ZNF10: variants seen among roughly 807,000 people sequenced by gnomAD.
ZNF10 encodes the protein zinc finger protein 10 (KOX 1).
A neutral mutation model predicts 12.2 loss-of-function variants in ZNF10; 8 were observed. That is an observed-to-expected ratio of 0.66 (90% CI 0.39 to 1.18). ZNF10 has a LOEUF of 1.18. ZNF10 is among the 50% of genes most tolerant of loss of function. The pLI is 0.01. For missense variants in ZNF10, 603 were observed against 678.9 expected (o/e 0.89, Z 1.24); for synonymous variants, 229 against 228.2 (o/e 1.00, Z -0.03).
At chr12:133,155,423 A>G in intron 4 of ZNF10, 80 bp from the exon 5 acceptor site, 3 of 1,419,992 alleles carry the variant, frequency 2.1e-6, no homozygotes, top group East Asian at 2.3e-5. Flanking sequence ...TACATCTTGC[A>G]TACTTTGTCT....
At chr12:133,142,302 C>T (rs547059134) in intron 1 of ZNF10, among the ~76,000 whole-genome samples, 2 of 150,784 alleles carry the variant, frequency 1.3e-5, no homozygotes, top group South Asian at 4.2e-4. Flanking sequence ...GTAGTCCCAG[C>T]TACAGGCTGA....
chr12:133,140,024 T>G (rs1955935122), intron 1 of ZNF10, among the ~76,000 whole-genome samples: 1 of 151,624 alleles, frequency 6.6e-6, no homozygotes, highest in Non-Finnish European at 1.5e-5. Context: ...GGCAACATAG[T>G]GAGACCCTGT....
At chr12:133,145,978 G>A (rs1018840018) in intron 2 of ZNF10, among the ~76,000 whole-genome samples, 7 of 152,308 alleles carry the variant, frequency 4.6e-5, no homozygotes, top group African/African-American at 1.2e-4. Flanking sequence ...AAAGTGCAAT[G>A]TATTACTTAT....
chr12:133,145,571 A>G lies in ZNF10; in HGVS notation c.33+1046A>G, dbSNP rs371130353. ...ATACCTATAATCCCAGCACTTTGGG[A>G]GGCTGAGGTGCGCAGATCACCGAGG... On this transcript the variant is annotated intron_variant, in intron 2 of 4. Coordinates refer to ENST00000248211, the MANE Select transcript of ZNF10 (RefSeq NM_015394.5). 1.2e-4 allele frequency among the ~76,000 whole-genome samples: 19 copies of G among 152,260 alleles called. No homozygotes were observed. The East Asian group carries it at 2.7e-3, about 22-fold the overall frequency.
chr12:133,135,683 C>T (rs909915370), intron 1 of ZNF10, among the ~76,000 whole-genome samples: 3 of 152,210 alleles, frequency 2.0e-5, no homozygotes, highest in African/African-American at 7.2e-5. Context: ...TGGAGGTTCT[C>T]CTCAAATCTG....
At chr12:133,137,335 C>A (rs10870584) in intron 1 of ZNF10, among the ~76,000 whole-genome samples, 91,842 of 152,072 alleles carry the variant, frequency 0.6, 28,741 homozygotes, top group African/African-American at 0.73. Flanking sequence ...GGAAAGAGTC[C>A]ACATTTCTGA....
intron 1 of ZNF10, among the ~76,000 whole-genome samples, chr12:133,142,404 C>T (rs1320668824): frequency 7.1e-5 from 7 of 98,808 alleles, no homozygotes; most frequent in African/African-American, 1.7e-4. Flanking sequence ...AGTGAGACTC[C>T]GTCTCCAAAA....
In ZNF10 at chr12:133,151,904, G is replaced by C; in HGVS notation, c.256G>C (p.Asp86His). Residue 86 changes from aspartate (D) to histidine (H), a missense_variant and splice_region_variant, in exon 4 of 5, where the codon GAT (aspartate) becomes CAT (histidine). Around this residue, in one of 3 missense-constraint regions of ZNF10, gnomAD observed 393 missense variants for 399.7 expected, o/e 0.98. Coordinates refer to ENST00000248211, the MANE Select transcript of ZNF10 (RefSeq NM_015394.5). ...EREIHQETHP[D>H]SETAFEIKSS... ...AGAAATTCACCAAGAGACCCATCCT[G>C]GTGAGGACCAGTCAAGAGTTGTCAT... 2 of 1,612,676 alleles carry C rather than the reference G, an allele frequency of 1.2e-6. No individual in the cohort carries two copies. The highest frequency in any genetic ancestry group is 2.2e-5 in the East Asian group (1 of 44,836).
At chr12:133,147,864 G>C (rs952600108) in intron 2 of ZNF10, among the ~76,000 whole-genome samples, 1 of 151,434 alleles carries the variant, frequency 6.6e-6, no homozygotes, top group African/African-American at 2.4e-5. Flanking sequence ...CTGAACTCAG[G>C]CAATCCTGAG....
intron 1 of ZNF10, among the ~76,000 whole-genome samples, chr12:133,133,177 T>C (rs999460546): frequency 8.5e-5 from 13 of 152,364 alleles, no homozygotes; most frequent in Non-Finnish European, 1.6e-4. Flanking sequence ...AGTATATCTT[T>C]GCCATGTCTA....
intron 4 of ZNF10, 75 bp from the exon 5 acceptor site, chr12:133,155,426 CTT>C: frequency 7.0e-7 from 1 of 1,437,418 alleles, no homozygotes; most frequent in Non-Finnish European, 9.3e-7. Context: ...ATCTTGCATA[CTT>C]TGTCTCCACA....
At chr12:133,141,355 A>G (rs368400782) in intron 1 of ZNF10, among the ~76,000 whole-genome samples, 24 of 152,236 alleles carry the variant, frequency 1.6e-4, no homozygotes, top group African/African-American at 5.8e-4. Flanking sequence ...ATGCAAAGAG[A>G]TGAAAACATG....
intron 2 of ZNF10, chr12:133,144,806 G>T (rs1183602942): frequency 2.2e-5 from 11 of 501,598 alleles, no homozygotes; most frequent in African/African-American, 3.8e-5. Flanking sequence ...ATTTAAAATG[G>T]ACTGGAGGCT....
intron 2 of ZNF10, 53 bp from the exon 3 acceptor site, chr12:133,150,975 G>C: frequency 6.3e-7 from 1 of 1,586,108 alleles, no homozygotes; most frequent in Middle Eastern, 1.7e-4. Flanking sequence ...ATCAGGAAAG[G>C]GGGATAGCAA....
At chr12:133,149,377 A>G (rs891792619) in intron 2 of ZNF10, among the ~76,000 whole-genome samples, 4 of 26,342 alleles carry the variant, frequency 1.5e-4, no homozygotes, top group East Asian at 1.4e-3. Context: ...TTTTTTTTTT[A>G]GACAGGTTCT....
At chr12:133,141,115 T>C (rs1474046490) in intron 1 of ZNF10, among the ~76,000 whole-genome samples, 1 of 152,152 alleles carries the variant, frequency 6.6e-6, no homozygotes, top group Admixed American at 6.5e-5. Context: ...ACCCAATCAG[T>C]ATCTATCAAG....
In ZNF10 at chr12:133,156,587, C is replaced by T. The variant is rs1369723923; in HGVS notation, c.1341C>T (p.His447=). Residue 447 remains histidine, a synonymous_variant, in exon 5 of 5, where the codon CAC becomes CAT. Coordinates refer to ENST00000248211, the MANE Select transcript of ZNF10 (RefSeq NM_015394.5). ...DCGKCFSRSS[H]LYSHQRTHTG... ...GAAAATGTTTTAGTCGAAGCTCTCA[C>T]CTTTATTCACATCAAAGAACCCACA... 1.2e-6 allele frequency: 2 copies of T among 1,613,570 alleles called. No individual in the cohort carries two copies. Among genetic ancestry groups the T allele is most frequent in the Non-Finnish European group, 1.7e-6 (2 of 1,179,908 alleles).
chr12:133,154,146 A>C (rs1956025416), intron 4 of ZNF10, among the ~76,000 whole-genome samples: 1 of 152,142 alleles, frequency 6.6e-6, no homozygotes, highest in South Asian at 2.1e-4. Flanking sequence ...AACCCATAAT[A>C]CCAGGTAAGA....
intron 4 of ZNF10, among the ~76,000 whole-genome samples, chr12:133,155,239 A>AC (rs879673465): frequency 3.3e-5 from 5 of 152,054 alleles, no homozygotes; most frequent in African/African-American, 4.8e-5. Flanking sequence ...CCTTATTTCT[A>AC]CCCTCACCAT....
Sources: allele counts gnomAD v4.1 joint callset (sites outside exome capture counted in the v4.1 genomes callset), GRCh38; gene constraint gnomAD v4.1.1; regional missense constraint gnomAD v4.1.1; transcripts MANE v1.5; gene names NCBI Gene and HGNC (gene_info 2026-07-23, HGNC 2026-07-21).